Variants in ZDBF2 observed in about 807,000 individuals in gnomAD.
The protein encoded by ZDBF2 is DBF4-type zinc finger-containing protein 2.
Under a neutral mutation model 9.4 loss-of-function variants are expected in ZDBF2, and 6 were observed. The ratio of observed to expected loss-of-function variants is 0.64; its 90% CI spans 0.35 to 1.27. The LOEUF (loss-of-function observed/expected upper bound fraction) is 1.27. Ranked by LOEUF, ZDBF2 falls within the 50% of genes most tolerant of loss-of-function variation. The pLI is 0.03. For missense variants in ZDBF2, 2,697 were observed against 2,766.8 expected (o/e 0.97, Z 0.57); for synonymous variants, 905 against 946.3 (o/e 0.96, Z 0.80).
chr2:206,300,412 C>T (rs1326943297), intron 4 of ZDBF2, among the ~76,000 whole-genome samples: 1 of 152,180 alleles, frequency 6.6e-6, no homozygotes, highest in Non-Finnish European at 1.5e-5. Context: ...TTATAGAGTA[C>T]TGGCCAGTTA....
chr2:206,298,137 A>G (rs1365975546), intron 4 of ZDBF2, among the ~76,000 whole-genome samples: 1 of 152,234 alleles, frequency 6.6e-6, no homozygotes, highest in Non-Finnish European at 1.5e-5. Context: ...ATCTGTCTGT[A>G]TTTTGATAGC....
chr2:206,292,312 A>G (rs1046037793), intron 3 of ZDBF2, among the ~76,000 whole-genome samples: 2 of 152,214 alleles, frequency 1.3e-5, no homozygotes, highest in Admixed American at 6.5e-5. Context: ...AAAATAGACT[A>G]TGAAAAGTCT....
At chr2:206,292,315 A>G (rs1691939427) in intron 3 of ZDBF2, among the ~76,000 whole-genome samples, 2 of 152,206 alleles carry the variant, frequency 1.3e-5, no homozygotes, top group South Asian at 4.1e-4. Flanking sequence ...ATAGACTATG[A>G]AAAGTCTGTA....
intron 4 of ZDBF2, among the ~76,000 whole-genome samples, chr2:206,302,198 C>A (rs191380834): frequency 1.3e-5 from 2 of 151,962 alleles, no homozygotes; most frequent in Non-Finnish European, 2.9e-5. Context: ...TTTGTAGAAA[C>A]AGGATCTCAT....
chr2:206,290,222 G>A (rs1691816818), intron 3 of ZDBF2, among the ~76,000 whole-genome samples: 1 of 152,108 alleles, frequency 6.6e-6, no homozygotes, highest in Non-Finnish European at 1.5e-5. Flanking sequence ...TATCTTCTCT[G>A]ATGCCAGCAC....
At chr2:206,301,888 T>G (rs1250470505) in intron 4 of ZDBF2, among the ~76,000 whole-genome samples, 1 of 152,090 alleles carries the variant, frequency 6.6e-6, no homozygotes, top group African/African-American at 2.4e-5. Flanking sequence ...CTTTTCTTAA[T>G]GGAAGTATTT....
At chr2:206,301,694 C>G (rs1484059284) in intron 4 of ZDBF2, among the ~76,000 whole-genome samples, 4 of 151,956 alleles carry the variant, frequency 2.6e-5, no homozygotes. Flanking sequence ...TTCTGTTTCC[C>G]CCTTGTCTAG....
chr2:206,287,778 G>A (rs907773190), intron 3 of ZDBF2, among the ~76,000 whole-genome samples: 1 of 151,450 alleles, frequency 6.6e-6, no homozygotes, highest in Admixed American at 6.6e-5. Context: ...CCTGTGACTG[G>A]GTAATTTCAA....
chr2:206,308,255 A>G lies in ZDBF2; in HGVS notation c.3727A>G (p.Ile1243Val), dbSNP rs1169136665. The G allele has an allele frequency of 3.1e-6, 5 of 1,613,790 alleles. No individual in the cohort carries two copies. Among genetic ancestry groups the G allele is most frequent in the African/African-American group, 2.7e-5 (2 of 74,950 alleles). ...GAGAAATGAAGCTAAGGGTTTTGAA[A>G]TTATGTATGATTCTGATGTTCTTCA... ...DRRNEAKGFE[I>V]MYDSDVLQPV... Residue 1243 changes from isoleucine (I) to valine (V), a missense_variant, in exon 5 of 5, where the codon ATT (isoleucine) becomes GTT (valine). Around this residue, in one of 3 missense-constraint regions of ZDBF2, gnomAD observed 1,783 missense variants for 1,776.5 expected, o/e 1.00. Coordinates refer to ENST00000374423, the MANE Select transcript of ZDBF2 (RefSeq NM_020923.3).
In ZDBF2 at chr2:206,307,915, T is replaced by C. The variant is rs753005681; in HGVS notation, c.3387T>C (p.Asp1129=). 1 of 1,613,702 alleles carries C rather than the reference T, an allele frequency of 6.2e-7. No individual in the cohort carries two copies. Among genetic ancestry groups the C allele is most frequent in the African/African-American group, 1.3e-5 (1 of 75,040 alleles). ...HPDVSVQSVA[D]QPKVAIKHVN... ...ATGTTTCTGTCCAATCTGTGGCTGA[T>C]CAACCCAAAGTAGCTATTAAACATG... The change falls in exon 5 of 5, where the codon GAT becomes GAC. Residue 1129 remains aspartate, a synonymous_variant. Transcript: ENST00000374423.
In ZDBF2 at chr2:206,310,884, A is replaced by G; in HGVS notation, c.6356A>G (p.His2119Arg). Residue 2119 changes from histidine to arginine, a missense_variant, in exon 5 of 5, where the codon CAT becomes CGT. By Grantham distance (29) the His-to-Arg change is conservative. This residue lies in a region of ZDBF2 where 1,783 missense variants were observed against 1,776.5 expected (regional missense o/e 1.00). Transcript: ENST00000374423. ...CCGGCAAGATATGGATTTAATTCAC[A>G]TCAGGGAACCAGTGACTCTTCTCTG... Reference protein sequence around the residue: ...AVPARYGFNSHQGTSDSSLFL... With the variant: ...AVPARYGFNSRQGTSDSSLFL... 6.2e-7 allele frequency: 1 copy of G among 1,613,954 alleles called. No individual in the cohort carries two copies. The highest frequency in any genetic ancestry group is 1.1e-5 in the South Asian group (1 of 91,068).
At chr2:206,291,663 A>T (rs972733066) in intron 3 of ZDBF2, among the ~76,000 whole-genome samples, 18 of 152,232 alleles carry the variant, frequency 1.2e-4, no homozygotes, top group Non-Finnish European at 1.9e-4. Context: ...AACCTATAGC[A>T]GTTAGATTGA....
At chr2:206,301,928 T>C (rs1459175047) in intron 4 of ZDBF2, among the ~76,000 whole-genome samples, 1 of 152,048 alleles carries the variant, frequency 6.6e-6, no homozygotes, top group Non-Finnish European at 1.5e-5. Context: ...TTTGGCCATA[T>C]CTCATAGTTT....
chr2:206,279,790 A>G (rs1283835046), intron 2 of ZDBF2, among the ~76,000 whole-genome samples, 198 bp downstream of exon 2: 1 of 152,098 alleles, frequency 6.6e-6, no homozygotes, highest in Non-Finnish European at 1.5e-5. Flanking sequence ...CACCTTGAGC[A>G]TTTTATTTTA....
At chr2:206,284,557 CT>C (rs1480860179) in intron 3 of ZDBF2, among the ~76,000 whole-genome samples, 1 of 152,142 alleles carries the variant, frequency 6.6e-6, no homozygotes, top group Non-Finnish European at 1.5e-5. Context: ...TTTCTCCTAT[CT>C]AGCTTTAATT....
At chr2:206,278,170 T>C in intron 1 of ZDBF2, among the ~76,000 whole-genome samples, 1 of 152,182 alleles carries the variant, frequency 6.6e-6, no homozygotes, top group Non-Finnish European at 1.5e-5. Flanking sequence ...TGGCTGATTT[T>C]TATGCTCTTT....
Position 206,309,030 on chromosome 2 carries a change from A to T in ZDBF2, c.4502A>T (p.Asp1501Val). Residue 1501 changes from aspartate (D) to valine (V), a missense_variant, in exon 5 of 5, where the codon GAT (aspartate) becomes GTT (valine). Physicochemically the swap from Asp to Val is radical, Grantham distance 152. Around this residue, in one of 3 missense-constraint regions of ZDBF2, gnomAD observed 1,783 missense variants for 1,776.5 expected, o/e 1.00. Coordinates refer to ENST00000374423, the MANE Select transcript of ZDBF2 (RefSeq NM_020923.3). ...CCTAGTGATTCAGAAATGATGTATG[A>T]TTCTGATGTTCCTTTTCAAATAGTA... ...DQPSDSEMMY[D>V]SDVPFQIVVN... is the part of the protein sequence containing the mutation. 6.2e-7 allele frequency: 1 copy of T among 1,613,926 alleles called. No individual in the cohort carries two copies. The highest frequency in any genetic ancestry group is 1.1e-5 in the South Asian group (1 of 91,058).
rs1368491107 is a variant in ZDBF2 at position 206,308,800 on chromosome 2, A to G, written c.4272A>G (p.Gln1424=). 3.7e-6 allele frequency: 6 copies of G among 1,613,900 alleles called. No homozygotes were observed. The highest frequency in any genetic ancestry group is 1.1e-5 in the South Asian group (1 of 91,066). The change falls in exon 5 of 5, where the codon CAA becomes CAG. Residue 1424 remains glutamine (Q), a synonymous_variant. Transcript: ENST00000374423. The part of the protein sequence containing the change: ...SHIPVQFVTD[Q]SSVPVKEINL... ...TTCCTGTTCAGTTTGTGACTGATCAATCTTCTGTACCTGTCAAAGAAATAA... is the reference window on the plus strand; with the variant it reads ...TTCCTGTTCAGTTTGTGACTGATCAGTCTTCTGTACCTGTCAAAGAAATAA...
Position 206,310,967 on chromosome 2 carries a change from C to T in ZDBF2, c.6439C>T (p.Gln2147Ter). ...ARELPKKRNF[Q>*]LTFLNHDVVK... is the part of the protein sequence containing the mutation. Reference sequence around the variant, plus strand: ...TGAGCTTCCAAAGAAAAGAAATTTCCAGCTAACATTTTTAAATCATGATGT... The same window carrying T: ...TGAGCTTCCAAAGAAAAGAAATTTCTAGCTAACATTTTTAAATCATGATGT... The change falls in exon 5 of 5, where the codon CAG (glutamine) becomes TAG (stop). Residue 2147 changes from glutamine to a stop codon, truncating the protein, a stop_gained. Transcript: ENST00000374423. LOFTEE classifies it low-confidence loss of function (END_TRUNC). The T allele has an allele frequency of 1.2e-6, 2 of 1,613,620 alleles. No homozygotes were observed. Among genetic ancestry groups the T allele is most frequent in the South Asian group, 1.1e-5 (1 of 90,960 alleles).
Sources: allele counts gnomAD v4.1 joint callset (sites outside exome capture counted in the v4.1 genomes callset), GRCh38; gene constraint gnomAD v4.1.1; regional missense constraint gnomAD v4.1.1; transcripts MANE v1.5; gene names NCBI Gene and HGNC (gene_info 2026-07-23, HGNC 2026-07-21).